CFAP46: variants seen among roughly 807,000 people sequenced by gnomAD.
CFAP46 encodes the protein cilia and flagella associated protein 46.
CFAP46 carries 245 observed loss-of-function variants against 325.7 expected under a neutral mutation model. The ratio of observed to expected loss-of-function variants is 0.75; its 90% CI spans 0.68 to 0.84. The LOEUF (loss-of-function observed/expected upper bound fraction) is 0.84, where lower values mean the gene tolerates loss of function less well. Among genes scored for constraint, CFAP46 ranks in the 40% least tolerant of loss-of-function variants. CFAP46 has a pLI of 0.00. For synonymous variants in CFAP46, 1,523 were observed against 1,495.9 expected (o/e 1.02, Z -0.42); for missense variants, 3,346 against 3,543.0 (o/e 0.94, Z 1.41).
At position 132,877,129 on chromosome 10, in the gene CFAP46, T is replaced by A. The variant is rs1848967778; in HGVS notation, c.4213-168A>T. Reference sequence around the variant, plus strand: ...GCCCAGATCCAGCCTCTGATACTGTTTCCAGGCAGTGCACGCAAAGCTTTC... The same window carrying A: ...GCCCAGATCCAGCCTCTGATACTGTATCCAGGCAGTGCACGCAAAGCTTTC... On this transcript the variant is annotated intron_variant, in intron 30 of 57. Transcript: ENST00000368586. This position sits in a 1 kb window ranked among gnomAD's most constrained non-coding sequence, Gnocchi z 5.7. 6.6e-6 allele frequency among the ~76,000 whole-genome samples: 1 copy of A among 152,174 alleles called. No individual in the cohort carries two copies. Among genetic ancestry groups the A allele is most frequent in the Non-Finnish European group, 1.5e-5 (1 of 68,018 alleles).
chr10:132,834,462 G>C (rs1848204306), intron 48 of CFAP46, among the ~76,000 whole-genome samples, 192 bp downstream of exon 48: 1 of 152,212 alleles, frequency 6.6e-6, no homozygotes, highest in African/African-American at 2.4e-5. Flanking sequence ...GTGGGCAGTG[G>C]GCAGTACTCC....
chr10:132,837,548 C>T lies in CFAP46; in HGVS notation c.6439-634G>A, dbSNP rs897662589. Among the ~76,000 whole-genome samples the T allele has an allele frequency of 8.2e-4, 122 of 148,772 alleles. 2 individuals are homozygous for T. The highest frequency in any genetic ancestry group is 4.9e-3 in the Admixed American group (73 of 14,966). ...AGACACACGCACACGTACACAGATG[C>T]GCACACACAGACATGCACGGACACA... On this transcript the variant is annotated intron_variant, in intron 44 of 57. Transcript: ENST00000368586.
Position 132,832,290 on chromosome 10 carries a change from C to G in CFAP46, c.7117+1068G>C, listed in dbSNP as rs1848158566. Among the ~76,000 whole-genome samples the G allele has an allele frequency of 1.3e-5, 2 of 151,718 alleles. No homozygotes were observed. The highest frequency in any genetic ancestry group is 4.2e-4 in the South Asian group (2 of 4,804). ...CTCGGAGTGGCCGTTCCTTGCAGCT[C>G]TCTCCTTCCAGGTGTCCCGCCCTGC... On this transcript the variant is annotated intron_variant, in intron 50 of 57. Transcript: ENST00000368586. This position sits in a 1 kb window ranked among gnomAD's most constrained non-coding sequence, Gnocchi z 4.1.
chr10:132,895,564 A>C (rs1849306913), intron 24 of CFAP46, among the ~76,000 whole-genome samples: 1 of 152,144 alleles, frequency 6.6e-6, no homozygotes. Context: ...TCCTATACAG[A>C]GAAAATTCTT....
chr10:132,828,471 C>T lies in CFAP46; in HGVS notation c.7117+4887G>A, dbSNP rs61860850. ...TTAATGATGTCGGGCATCCTTCCAT[C>T]GTACTTTGTTTGCTATCTAAATCTT... On this transcript the variant is annotated intron_variant, in intron 50 of 57. Transcript: ENST00000368586. This position sits in a 1 kb window ranked among gnomAD's most constrained non-coding sequence, Gnocchi z 4.9. 0.099 allele frequency among the ~76,000 whole-genome samples: 15,116 copies of T among 152,168 alleles called. 1,038 individuals are homozygous for T. The highest frequency in any genetic ancestry group is 0.14 in the Non-Finnish European group (9,666 of 68,010).
At chr10:132,822,023 GTGTGAGTGCTGATGTGTGCTGATGTGTGC>G (rs1219179203) in intron 50 of CFAP46, among the ~76,000 whole-genome samples, 15 of 138,982 alleles carry the variant, frequency 1.1e-4, no homozygotes, top group African/African-American at 3.8e-4. Flanking sequence ...GATGTGTGCT[GTGTGAGTGCTGATGTGTGCTGATGTGTGC>G]TGTGTGTGCT....
chr10:132,832,103 T>C lies in CFAP46; in HGVS notation c.7117+1255A>G, dbSNP rs375184913. On this transcript the variant is annotated intron_variant, in intron 50 of 57. Transcript: ENST00000368586. The surrounding 1 kb of genome is among the most constrained non-coding windows in gnomAD (Gnocchi z 4.1). ...GTTATAAAACCCCATACCATTATTA[T>C]TGTCTTTTGCTCTAAGCTTTTTGCT... Among the ~76,000 whole-genome samples, 2 of 152,226 alleles carry C rather than the reference T, an allele frequency of 1.3e-5. No individual in the cohort carries two copies. The highest frequency in any genetic ancestry group is 4.8e-5 in the African/African-American group (2 of 41,464).
intron 50 of CFAP46, among the ~76,000 whole-genome samples, chr10:132,820,116 G>A (rs928615708): frequency 1.3e-5 from 2 of 150,682 alleles, no homozygotes; most frequent in African/African-American, 5.0e-5. Context: ...CATAAAAATG[G>A]CTAACAGGTT....
rs1849680256 is a variant in CFAP46, at chr10:132,919,076, A to C, written c.1858+239T>G. Among the ~76,000 whole-genome samples the C allele has an allele frequency of 2.6e-5, 4 of 152,336 alleles. No individual in the cohort carries two copies. Among genetic ancestry groups the C allele is most frequent in the Admixed American group, 2.6e-4 (4 of 15,308 alleles). ...CCCTGCCTGAGCCTCCGAGGCCCCC[A>C]GTGACTGAAGATGGAGTGTGACGAC... On this transcript the variant is annotated intron_variant, in intron 15 of 57. Transcript: ENST00000368586. The surrounding 1 kb of genome is among the most constrained non-coding windows in gnomAD (Gnocchi z 9.7).
intron 5 of CFAP46, 35 bp downstream of exon 5, chr10:132,938,554 G>C: frequency 6.2e-7 from 1 of 1,600,674 alleles, no homozygotes; most frequent in South Asian, 1.1e-5. Flanking sequence ...GCGGCCCACC[G>C]GGAGGCCACA....
At chr10:132,912,624 TC>T (rs755807525) in intron 19 of CFAP46, 30 bp downstream of exon 19, 14 of 1,530,346 alleles carry the variant, frequency 9.1e-6, no homozygotes, top group South Asian at 7.2e-5. Context: ...TCTCTCTCTC[TC>T]TCTCTCTCTC....
At chr10:132,855,617 A>AG (rs1848629773) in intron 39 of CFAP46, among the ~76,000 whole-genome samples, 2 of 151,988 alleles carry the variant, frequency 1.3e-5, no homozygotes, top group African/African-American at 4.8e-5. Flanking sequence ...TTCTGCTTTC[A>AG]GGGGGACAAA....
chr10:132,872,764 C>A lies in CFAP46; in HGVS notation c.4423G>T (p.Glu1475Ter). The A allele has an allele frequency of 6.4e-7, 1 of 1,551,014 alleles. No individual in the cohort carries two copies. Among genetic ancestry groups the A allele is most frequent in the Non-Finnish European group, 8.7e-7 (1 of 1,147,098 alleles). Residue 1475 changes from glutamate to a stop codon, truncating the protein, a stop_gained, in exon 32 of 58, where the codon GAA becomes TAA. Coordinates refer to ENST00000368586, the MANE Select transcript of CFAP46 (RefSeq NM_001200049.3). LOFTEE classifies it high-confidence loss of function. ...VKALQKMCLHELTVPVLQLGV... is the reference protein window; with the variant it reads ...VKALQKMCLH ...AACTGCAGGACGGGAACCGTGAGTT[C>A]GTGCAGGCACATCTTCTGCAGGGCC...
chr10:132,816,548 G>C (rs1457792655), intron 50 of CFAP46, among the ~76,000 whole-genome samples: 1 of 152,014 alleles, frequency 6.6e-6, no homozygotes, highest in East Asian at 1.9e-4. Context: ...AGCCAGGATG[G>C]TCTCGATCTC....
Position 132,941,395 on chromosome 10 carries a change from G to A in CFAP46, c.306+196C>T, listed in dbSNP as rs112136963. 2.6e-3 allele frequency among the ~76,000 whole-genome samples: 391 copies of A among 152,306 alleles called. 2 individuals are homozygous for A. Among genetic ancestry groups the A allele is most frequent in the African/African-American group, 8.6e-3 (359 of 41,570 alleles). ...CGCTGCTACGAGGCAAAGGTCCAGG[G>A]GTCCTGTGTGTCAGATATCACCACT... On this transcript the variant is annotated intron_variant, in intron 3 of 57. Transcript: ENST00000368586.
chr10:132,910,971 C>T (rs1015850795), intron 19 of CFAP46, among the ~76,000 whole-genome samples: 1 of 152,230 alleles, frequency 6.6e-6, no homozygotes, highest in African/African-American at 2.4e-5. Context: ...CCATTCACTC[C>T]GTGTTCCCGG....
At chr10:132,855,704 G>T (rs1247070510) in intron 39 of CFAP46, among the ~76,000 whole-genome samples, 2 of 152,054 alleles carry the variant, frequency 1.3e-5, no homozygotes, top group Non-Finnish European at 2.9e-5. Flanking sequence ...TATTTCTGTG[G>T]CTGTTTTGGT....
Position 132,812,807 on chromosome 10 carries a change from T to G in CFAP46, c.7479A>C (p.Arg2493Ser). The G allele has an allele frequency of 6.2e-7, 1 of 1,612,144 alleles. No homozygotes were observed. The highest frequency in any genetic ancestry group is 8.5e-7 in the Non-Finnish European group (1 of 1,179,664). Reference sequence around the variant, plus strand: ...CACCTTGCAAGTTCATGGCGACCAATCTCTCCACTAATATATGGGACAGGA... The same window carrying G: ...CACCTTGCAAGTTCATGGCGACCAAGCTCTCCACTAATATATGGGACAGGA... ...ESFLSHILVERLVAMNLQECQ... is the reference protein window; with the variant it reads ...ESFLSHILVESLVAMNLQECQ... Residue 2493 changes from arginine to serine, a missense_variant, in exon 55 of 58, where the codon AGA becomes AGC. Transcript: ENST00000368586.
intron 44 of CFAP46, among the ~76,000 whole-genome samples, chr10:132,841,395 C>A (rs1041706138): frequency 6.6e-6 from 1 of 152,248 alleles, no homozygotes; most frequent in Non-Finnish European, 1.5e-5. Context: ...TGCCTCTGGA[C>A]GCAGGGGCTG....
Sources: allele counts gnomAD v4.1 joint callset (sites outside exome capture counted in the v4.1 genomes callset), GRCh38; gene constraint gnomAD v4.1.1; non-coding constraint Gnocchi (gnomAD v3.1); transcripts MANE v1.5; gene names NCBI Gene and HGNC (gene_info 2026-07-23, HGNC 2026-07-21).